ASCC3: variants seen among roughly 807,000 people sequenced by gnomAD.
ASCC3 encodes ASC-1 complex subunit P200.
In ASCC3, 158 loss-of-function variants were observed where a neutral mutation model predicts 256.3. The observed-to-expected ratio is 0.62, with a 90% CI of 0.54 to 0.70. The LOEUF (loss-of-function observed/expected upper bound fraction) is 0.70, where lower values mean the gene tolerates loss of function less well. Among genes scored for constraint, ASCC3 ranks in the 30% least tolerant of loss-of-function variants. ASCC3 has a pLI of 0.00. For missense variants in ASCC3, 2,259 were observed against 2,626.0 expected (o/e 0.86, Z 3.05); for synonymous variants, 948 against 883.4 (o/e 1.07, Z -1.30).
chr6:100,652,558 GAA>G lies in ASCC3; in HGVS notation c.2988+165_2988+166del, dbSNP rs1244840394. ...GATGACAAGAGGTTCCTTAGTATCT[GAA>G]GTTTTATTTTTTTCTTGTCTTTACT... On this transcript the variant is annotated intron_variant, in intron 18 of 41. Transcript: ENST00000369162. Among the ~76,000 whole-genome samples the G allele has an allele frequency of 2.6e-5, 4 of 152,184 alleles. No homozygotes were observed. In the East Asian group the frequency reaches 7.7e-4, roughly 29 times the overall value.
chr6:100,805,189 T>C (rs970774087), intron 5 of ASCC3, among the ~76,000 whole-genome samples: 2 of 152,134 alleles, frequency 1.3e-5, no homozygotes, highest in Non-Finnish European at 2.9e-5. Flanking sequence ...TTTTAATTAA[T>C]CATGACTATA....
At chr6:100,844,406 T>C (rs1772294142) in intron 4 of ASCC3, among the ~76,000 whole-genome samples, 1 of 151,868 alleles carries the variant, frequency 6.6e-6, no homozygotes, top group Non-Finnish European at 1.5e-5. Flanking sequence ...TTAATACTAC[T>C]ACTTTCTAGG....
intron 3 of ASCC3, among the ~76,000 whole-genome samples, 189 bp downstream of exon 3, chr6:100,863,875 G>A (rs1474253099): frequency 1.3e-5 from 2 of 151,766 alleles, no homozygotes; most frequent in South Asian, 2.1e-4. Context: ...TGCCTGCCTC[G>A]ACCTCCCAAG....
In ASCC3 at chr6:100,801,300, A is replaced by T. The variant is rs533587224; in HGVS notation, c.923-796T>A. Among the ~76,000 whole-genome samples, 4 of 152,244 alleles carry T rather than the reference A, an allele frequency of 2.6e-5. No homozygotes were observed. In the South Asian group the frequency reaches 8.3e-4, roughly 32 times the overall value. ...TTGAAAGTAATCCAAGTCAATAAAC[A>T]TTTACTGTATTGAGGTCCTACTCAG... On this transcript the variant is annotated intron_variant, in intron 5 of 41. Transcript: ENST00000369162.
chr6:100,509,879 C>G, intron 41 of ASCC3, 53 bp downstream of exon 41: 3 of 1,543,170 alleles, frequency 1.9e-6, no homozygotes, highest in Non-Finnish European at 2.7e-6. Context: ...CAGAGCGAGA[C>G]TCCGCCTCAA....
intron 11 of ASCC3, among the ~76,000 whole-genome samples, chr6:100,723,878 A>AT (rs1419392506): frequency 7.6e-6 from 1 of 132,382 alleles, no homozygotes; most frequent in African/African-American, 3.1e-5. Context: ...ATATATATAT[A>AT]TATATATATA....
intron 34 of ASCC3, among the ~76,000 whole-genome samples, 168 bp from the exon 35 acceptor site, chr6:100,590,227 T>C (rs1421758693): frequency 6.6e-6 from 1 of 152,112 alleles, no homozygotes; most frequent in Non-Finnish European, 1.5e-5. Context: ...GTAGATGAGT[T>C]CTTTTAGGCA....
chr6:100,811,265 A>T (rs1770455115), intron 4 of ASCC3, among the ~76,000 whole-genome samples: 1 of 152,186 alleles, frequency 6.6e-6, no homozygotes, highest in African/African-American at 2.4e-5. Flanking sequence ...AAATGTTAAC[A>T]TTAAAGTGCT....
intron 4 of ASCC3, among the ~76,000 whole-genome samples, chr6:100,815,567 T>C (rs995779773): frequency 6.6e-5 from 10 of 151,844 alleles, no homozygotes; most frequent in African/African-American, 2.4e-4. Context: ...CAAAAACTGA[T>C]ATATAGACAA....
chr6:100,674,728 G>A (rs1265736352), intron 14 of ASCC3, among the ~76,000 whole-genome samples: 2 of 149,976 alleles, frequency 1.3e-5, no homozygotes, highest in Admixed American at 6.7e-5. Context: ...CGCCTCCCAA[G>A]TTCAAGCGAT....
In ASCC3 at chr6:100,512,808, A is replaced by G; in HGVS notation, c.6186T>C (p.Thr2062=). 1.2e-6 allele frequency: 2 copies of G among 1,614,122 alleles called. No homozygotes were observed. The highest frequency in any genetic ancestry group is 8.5e-7 in the Non-Finnish European group (1 of 1,179,986). ...GHNELSVSTL[T]ADKRDDNKWI... ...ATTTGTTGTCATCTCGTTTGTCTGCAGTCAGAGTTGAGACAGAGAGTTCAT... is the reference window on the plus strand; with the variant it reads ...ATTTGTTGTCATCTCGTTTGTCTGCGGTCAGAGTTGAGACAGAGAGTTCAT... Residue 2062 remains threonine (T), a synonymous_variant, in exon 40 of 42, where the codon ACT becomes ACC. Coordinates refer to ENST00000369162, the MANE Select transcript of ASCC3 (RefSeq NM_006828.4).
intron 34 of ASCC3, among the ~76,000 whole-genome samples, chr6:100,599,827 AAACTAGACTCT>A (rs1015755430): frequency 2.0e-5 from 3 of 152,252 alleles, no homozygotes; most frequent in African/African-American, 7.2e-5. Flanking sequence ...TCTTATCTCT[AAACTAGACTCT>A]TTAGGATGGT....
At chr6:100,625,426 T>C (rs979204133) in intron 29 of ASCC3, 92 bp from the exon 30 acceptor site, 1 of 1,435,128 alleles carries the variant, frequency 7.0e-7, no homozygotes, top group Non-Finnish European at 9.8e-7. Context: ...TGAAAACTAA[T>C]GATGTAAACA....
chr6:100,703,444 T>C (rs1007786409), intron 13 of ASCC3, among the ~76,000 whole-genome samples: 2 of 152,010 alleles, frequency 1.3e-5, no homozygotes, highest in Non-Finnish European at 2.9e-5. Flanking sequence ...AAAATAAGTC[T>C]TGCTCTTCTA....
chr6:100,624,379 A>G (rs1020193443), intron 30 of ASCC3, among the ~76,000 whole-genome samples: 1 of 151,660 alleles, frequency 6.6e-6, no homozygotes, highest in African/African-American at 2.4e-5. Flanking sequence ...ACAACTAGTA[A>G]ATATATGAAA....
At chr6:100,847,218 A>G (rs1383565430) in intron 4 of ASCC3, among the ~76,000 whole-genome samples, 1 of 152,172 alleles carries the variant, frequency 6.6e-6, no homozygotes, top group South Asian at 2.1e-4. Flanking sequence ...TCATAATTGG[A>G]TAACTACTAT....
At chr6:100,532,396 ATATATATATATTTTTTT>A (rs1774946505) in intron 37 of ASCC3, among the ~76,000 whole-genome samples, 1 of 42,754 alleles carries the variant, frequency 2.3e-5, no homozygotes, top group Admixed American at 3.0e-4. Flanking sequence ...ATATATATAT[ATATATATATATTTTTTT>A]TTTTTTTTTT....
intron 37 of ASCC3, among the ~76,000 whole-genome samples, chr6:100,520,972 G>T (rs910507673): frequency 1.2e-4 from 18 of 152,006 alleles, no homozygotes; most frequent in Admixed American, 7.2e-4. Flanking sequence ...TAAAGTATAG[G>T]CTTATTGATG....
intron 18 of ASCC3, among the ~76,000 whole-genome samples, chr6:100,651,998 T>C (rs1041170537): frequency 2.6e-5 from 4 of 152,040 alleles, no homozygotes; most frequent in African/African-American, 9.7e-5. Flanking sequence ...ATTCACGAAT[T>C]CTAAGCTGAT....
Sources: gnomAD v4.1 joint callset for allele counts (sites outside exome capture counted in the v4.1 genomes callset) on GRCh38, gnomAD v4.1.1 for gene constraint, MANE v1.5 for transcripts, NCBI Gene and HGNC (gene_info 2026-07-23, HGNC 2026-07-21) for gene names.